OSBPL9: variants seen among roughly 807,000 people sequenced by gnomAD.
OSBPL9 encodes the protein oxysterol binding protein like 9.
Under a neutral mutation model 106.6 loss-of-function variants are expected in OSBPL9, and 40 were observed. The observed-to-expected ratio is 0.38, with a 90% CI of 0.29 to 0.49. OSBPL9 has a LOEUF of 0.49. Ranked by LOEUF, OSBPL9 falls within the 20% of genes least tolerant of loss-of-function variation. The probability of loss-of-function intolerance (pLI) is 0.97; values close to 1 mark genes in which losing one functional copy is unlikely to be tolerated. For missense variants in OSBPL9, 609 were observed against 887.2 expected (o/e 0.69, Z 3.98); for synonymous variants, 269 against 295.4 (o/e 0.91, Z 0.92).
At chr1:51,528,451 G>A in the OSBPL9 span, among the ~76,000 whole-genome samples, 2 of 152,108 alleles carry the variant, frequency 1.3e-5, no homozygotes, top group Non-Finnish European at 2.9e-5. Flanking sequence ...GGCTGAGGCA[G>A]GAGAATTGCT....
chr1:51,747,213 C>A (rs1668173257), intron 6 of OSBPL9, among the ~76,000 whole-genome samples: 1 of 152,290 alleles, frequency 6.6e-6, no homozygotes, highest in South Asian at 2.1e-4. Flanking sequence ...GTGATCCACC[C>A]ACCTTGACCT....
chr1:51,636,689 C>G (rs1019591540), intron 1 of OSBPL9, among the ~76,000 whole-genome samples: 1 of 151,992 alleles, frequency 6.6e-6, no homozygotes, highest in Admixed American at 6.6e-5. Context: ...GTGGCTCATG[C>G]CTGTCATCTT....
At chr1:51,688,956 TG>T (rs965247214) in intron 3 of OSBPL9, among the ~76,000 whole-genome samples, 48 of 152,334 alleles carry the variant, frequency 3.2e-4, no homozygotes, top group Admixed American at 1.1e-3. Flanking sequence ...TTCTTTGCCC[TG>T]AGCAGAAGTC....
chr1:51,650,983 G>C (rs1450415926), intron 1 of OSBPL9, among the ~76,000 whole-genome samples: 1 of 152,142 alleles, frequency 6.6e-6, no homozygotes, highest in Non-Finnish European at 1.5e-5. Context: ...CTGTTCTGAG[G>C]CATAAGTCAG....
chr1:51,535,441 C>A, the OSBPL9 span, among the ~76,000 whole-genome samples: 2 of 152,118 alleles, frequency 1.3e-5, no homozygotes, highest in African/African-American at 4.8e-5. Flanking sequence ...TATCTTATGA[C>A]CCTGACTCTA....
intron 1 of OSBPL9, among the ~76,000 whole-genome samples, chr1:51,634,821 C>T (rs1645323590): frequency 2.0e-5 from 3 of 152,110 alleles, no homozygotes; most frequent in South Asian, 4.2e-4. Flanking sequence ...GCCTCACAAT[C>T]GTGGTAGAAG....
chr1:51,703,786 T>C (rs943848156), intron 3 of OSBPL9, among the ~76,000 whole-genome samples: 3 of 152,184 alleles, frequency 2.0e-5, no homozygotes, highest in Non-Finnish European at 4.4e-5. Flanking sequence ...TTGTCATAGA[T>C]CTTACTATTT....
At chr1:51,744,546 T>C (rs1667577174) in intron 4 of OSBPL9, among the ~76,000 whole-genome samples, 1 of 152,168 alleles carries the variant, frequency 6.6e-6, no homozygotes, top group Non-Finnish European at 1.5e-5. Context: ...AAAATGAGAA[T>C]GTGAAAATAA....
chr1:51,607,922 G>A (rs1643959800), intron 2 of OSBPL9, among the ~76,000 whole-genome samples: 1 of 152,220 alleles, frequency 6.6e-6, no homozygotes, highest in African/African-American at 2.4e-5. Context: ...TGCCCCATCT[G>A]ACCCCTGACT....
intron 15 of OSBPL9, among the ~76,000 whole-genome samples, chr1:51,779,597 C>G (rs1011833262): frequency 1.3e-5 from 2 of 151,910 alleles, no homozygotes; most frequent in Non-Finnish European, 2.9e-5. Context: ...ACAGAGTAAA[C>G]AGACAACCCA....
chr1:51,694,714 C>G (rs1655665324), intron 3 of OSBPL9, among the ~76,000 whole-genome samples: 1 of 152,160 alleles, frequency 6.6e-6, no homozygotes, highest in South Asian at 2.1e-4. Context: ...CAAATATTGA[C>G]ACATTTCATT....
At chr1:51,575,035 C>T (rs1271914529), upstream of OSBPL9, among the ~76,000 whole-genome samples, 2 of 152,190 alleles carry the variant, frequency 1.3e-5, no homozygotes, top group African/African-American at 4.8e-5. Context: ...TTTTATGCTT[C>T]AGAGTTGCTG....
chr1:51,519,569 A>G, the OSBPL9 span, among the ~76,000 whole-genome samples: 1 of 152,172 alleles, frequency 6.6e-6, no homozygotes. Context: ...TGTGAACTTC[A>G]GACAGGCCAC....
intron 4 of OSBPL9, chr1:51,740,249 T>C: frequency 6.8e-7 from 1 of 1,481,354 alleles, no homozygotes; most frequent in South Asian, 1.4e-5. Flanking sequence ...TATACTTCTT[T>C]CATTGGATGA....
intron 1 of OSBPL9, among the ~76,000 whole-genome samples, chr1:51,628,901 C>T (rs529420962): frequency 4.9e-4 from 75 of 152,024 alleles, no homozygotes; most frequent in African/African-American, 1.7e-3. Context: ...CCAGGCTGGT[C>T]TCCTGACCTC....
intron 3 of OSBPL9, among the ~76,000 whole-genome samples, chr1:51,711,297 C>T (rs1220804169): frequency 5.2e-4 from 78 of 149,766 alleles, no homozygotes; most frequent in Non-Finnish European, 1.0e-3. Flanking sequence ...GCAGAGGTGC[C>T]CCTCACCTCC....
chr1:51,771,505 A>C (rs1673893061), intron 12 of OSBPL9, among the ~76,000 whole-genome samples: 1 of 152,130 alleles, frequency 6.6e-6, no homozygotes, highest in Non-Finnish European at 1.5e-5. Flanking sequence ...GCGCACACAC[A>C]CACACTTCCA....
chr1:51,784,338 C>G lies in OSBPL9; in HGVS notation c.1688+11C>G, dbSNP rs1677095738. On this transcript the variant is annotated intron_variant, in intron 19 of 23. Coordinates refer to ENST00000428468, the MANE Select transcript of OSBPL9 (RefSeq NM_024586.6). ...CAATGGCTATGGAAGGCAAGTGTGT[C>G]CATTTCCTCTGATCAGCAGTAGACT... 1 of 1,612,362 alleles carries G rather than the reference C, an allele frequency of 6.2e-7. No individual in the cohort carries two copies. The highest frequency in any genetic ancestry group is 1.1e-5 in the South Asian group (1 of 91,050).
chr1:51,613,462 C>A (rs1387444675), upstream of OSBPL9, among the ~76,000 whole-genome samples: 1 of 152,170 alleles, frequency 6.6e-6, no homozygotes, highest in Non-Finnish European at 1.5e-5. Flanking sequence ...TAAGTTTGTT[C>A]ATTTCTTTGA....
Sources: gnomAD v4.1 joint callset for allele counts (sites outside exome capture counted in the v4.1 genomes callset) on GRCh38, gnomAD v4.1.1 for gene constraint, MANE v1.5 for transcripts, NCBI Gene and HGNC (gene_info 2026-07-23, HGNC 2026-07-21) for gene names.